Variants in CDH8 observed in about 807,000 individuals in gnomAD.
CDH8 encodes cadherin-8.
In CDH8, 17 loss-of-function variants were observed where a neutral mutation model predicts 68.1. The ratio of observed to expected loss-of-function variants is 0.25; its 90% confidence interval spans 0.17 to 0.37. CDH8 has a LOEUF of 0.37. CDH8 is among the 10% of genes least tolerant of loss of function. CDH8 has a pLI of 1.00. For synonymous variants in CDH8, 372 were observed against 365.1 expected (o/e 1.02, Z -0.21); for missense variants, 763 against 999.3 (o/e 0.76, Z 3.19).
At chr16:61,662,192 A>G (rs985000388) in intron 10 of CDH8, among the ~76,000 whole-genome samples, 1 of 149,030 alleles carries the variant, frequency 6.7e-6, no homozygotes, top group African/African-American at 2.5e-5. Flanking sequence ...GCTGTTCACT[A>G]CCTCTAAACT....
At chr16:61,715,807 T>C (rs1964720456) in intron 9 of CDH8, among the ~76,000 whole-genome samples, 1 of 151,654 alleles carries the variant, frequency 6.6e-6, no homozygotes, top group Non-Finnish European at 1.5e-5. Context: ...ATTTGAAACA[T>C]GGATAACTCC....
chr16:61,748,795 A>G (rs940442775), intron 8 of CDH8, among the ~76,000 whole-genome samples: 21 of 152,058 alleles, frequency 1.4e-4, no homozygotes, highest in African/African-American at 4.8e-4. Context: ...TTCATCCTCA[A>G]TATGAAAATG....
intron 2 of CDH8, among the ~76,000 whole-genome samples, chr16:61,993,978 T>C (rs778368466): frequency 9.9e-5 from 15 of 152,228 alleles, no homozygotes; most frequent in Non-Finnish European, 2.1e-4. Context: ...ATTACTTCTT[T>C]ATTTAAAATC....
At chr16:61,691,352 T>C (rs55675813) in intron 10 of CDH8, among the ~76,000 whole-genome samples, 9,334 of 150,766 alleles carry the variant, frequency 0.062, 998 homozygotes, top group African/African-American at 0.21. Context: ...TGCATACATG[T>C]GCATTATCTT....
chr16:61,821,119 A>C lies in CDH8; in HGVS notation c.836-6T>G. The C allele has an allele frequency of 6.3e-7, 1 of 1,590,156 alleles. No homozygotes were observed. Among genetic ancestry groups the C allele is most frequent in the Non-Finnish European group, 8.6e-7 (1 of 1,166,270 alleles). ...TACTGAGAAGTGATACAGGCCTTTA[A>C]AAAGAGGAGAAACAATGAGAGTCAC... On this transcript the variant is annotated splice_region_variant and splice_polypyrimidine_tract_variant and intron_variant, in intron 5 of 11. Transcript: ENST00000577390.
intron 4 of CDH8, 40 bp downstream of exon 4, chr16:61,857,078 CA>C: frequency 6.2e-7 from 1 of 1,610,412 alleles, no homozygotes. Flanking sequence ...TTCCCTGAAG[CA>C]AAAACATGGC....
chr16:62,008,859 T>C (rs183142499), intron 2 of CDH8, among the ~76,000 whole-genome samples: 199 of 152,176 alleles, frequency 1.3e-3, no homozygotes, highest in African/African-American at 4.6e-3. Context: ...TGATTATAAA[T>C]GTTCCTACAA....
chr16:61,712,003 G>C (rs894140725), intron 10 of CDH8, among the ~76,000 whole-genome samples: 1 of 151,602 alleles, frequency 6.6e-6, no homozygotes, highest in East Asian at 1.9e-4. Flanking sequence ...AATTTACAAA[G>C]CAAAATAATA....
chr16:61,897,437 G>A (rs1963887102), intron 3 of CDH8, among the ~76,000 whole-genome samples: 1 of 152,062 alleles, frequency 6.6e-6, no homozygotes, highest in Non-Finnish European at 1.5e-5. Context: ...ATTTTTAGTA[G>A]GGACAGGATT....
At chr16:62,034,798 A>C (rs1182491533) in intron 1 of CDH8, among the ~76,000 whole-genome samples, 1 of 152,174 alleles carries the variant, frequency 6.6e-6, no homozygotes, top group Non-Finnish European at 1.5e-5. Flanking sequence ...TCTATCGTTT[A>C]ATTGGTGCTG....
intron 10 of CDH8, among the ~76,000 whole-genome samples, chr16:61,708,826 C>A (rs1008332889): frequency 1.3e-5 from 2 of 152,136 alleles, no homozygotes; most frequent in Non-Finnish European, 2.9e-5. Context: ...CTGTTTCATG[C>A]AAATTGAGCA....
intron 8 of CDH8, among the ~76,000 whole-genome samples, chr16:61,742,138 T>C (rs1313327788): frequency 6.6e-6 from 1 of 152,184 alleles, no homozygotes; most frequent in African/African-American, 2.4e-5. Context: ...GTCTGCTCAA[T>C]ATTATAGGTA....
At chr16:61,959,284 G>GA (rs1040662269) in intron 2 of CDH8, among the ~76,000 whole-genome samples, 9 of 151,158 alleles carry the variant, frequency 6.0e-5, no homozygotes, top group African/African-American at 2.2e-4. Context: ...ACACAAATGT[G>GA]AAAAAAAGAA....
intron 4 of CDH8, among the ~76,000 whole-genome samples, chr16:61,847,111 T>G (rs865904189): frequency 6.6e-6 from 1 of 152,056 alleles, no homozygotes; most frequent in Non-Finnish European, 1.5e-5. Flanking sequence ...ATCAAAATCC[T>G]TCTGAAAAAG....
At chr16:61,835,168 T>C (rs1252915523) in intron 4 of CDH8, among the ~76,000 whole-genome samples, 1 of 151,890 alleles carries the variant, frequency 6.6e-6, no homozygotes, top group East Asian at 1.9e-4. Context: ...CCCTGCCCCA[T>C]TTATGCTTGG....
At chr16:61,685,097 T>C (rs2142812859) in intron 10 of CDH8, among the ~76,000 whole-genome samples, 1 of 151,800 alleles carries the variant, frequency 6.6e-6, no homozygotes, top group South Asian at 2.1e-4. Context: ...TCTGTTTCCT[T>C]GGTACATCTT....
At position 61,821,047 on chromosome 16, in the gene CDH8, T is replaced by C. The variant is rs376877808; in HGVS notation, c.902A>G (p.Asn301Ser). The C allele has an allele frequency of 9.9e-6, 16 of 1,612,912 alleles. 1 individual carries two copies. The highest frequency in any genetic ancestry group is 2.2e-5 in the East Asian group (1 of 44,822). Reference sequence around the variant, plus strand: ...TGCATTTTCACCAATATCCTGATCATTGGCCTTCACCCTTCCTATTGCAGT... The same window carrying C: ...TGCATTTTCACCAATATCCTGATCACTGGCCTTCACCCTTCCTATTGCAGT... ...LGTAIGRVKA[N>S]DQDIGENAQS... is the part of the protein sequence containing the mutation. Residue 301 changes from asparagine (N) to serine (S), a missense_variant, in exon 6 of 12, where the codon AAT (asparagine) becomes AGT (serine). By Grantham distance (46) the Asn-to-Ser change is conservative. This residue lies in a region of CDH8 where 366 missense variants were observed against 563.1 expected (regional missense o/e 0.65). Coordinates refer to ENST00000577390, the MANE Select transcript of CDH8 (RefSeq NM_001796.5).
At chr16:61,967,321 G>A (rs991299907) in intron 2 of CDH8, among the ~76,000 whole-genome samples, 2 of 152,196 alleles carry the variant, frequency 1.3e-5, no homozygotes, top group Non-Finnish European at 2.9e-5. Flanking sequence ...CAAATAGTGT[G>A]TAGGTTTTAT....
intron 10 of CDH8, among the ~76,000 whole-genome samples, chr16:61,683,281 GA>G (rs1964046432): frequency 6.6e-6 from 1 of 151,816 alleles, no homozygotes; most frequent in African/African-American, 2.4e-5. Flanking sequence ...AGGACTATTA[GA>G]AATATTAAAA....
Sources: allele counts gnomAD v4.1 joint callset (sites outside exome capture counted in the v4.1 genomes callset), GRCh38; gene constraint gnomAD v4.1.1; regional missense constraint gnomAD v4.1.1; transcripts MANE v1.5; gene names NCBI Gene and HGNC (gene_info 2026-07-23, HGNC 2026-07-21).